Variants in ENPEP observed in about 807,000 individuals in gnomAD.
ENPEP encodes glutamyl aminopeptidase.
Under a neutral mutation model 114.5 loss-of-function variants are expected in ENPEP, and 103 were observed. The ratio of observed to expected loss-of-function variants is 0.90; its 90% CI spans 0.77 to 1.06. The LOEUF (loss-of-function observed/expected upper bound fraction) is 1.06, where lower values mean the gene tolerates loss of function less well. Among genes scored for constraint, ENPEP ranks in the 50% least tolerant of loss-of-function variants. The pLI is 0.00. For synonymous variants in ENPEP, 420 were observed against 422.0 expected (o/e 1.00, Z 0.06); for missense variants, 1,196 against 1,161.3 (o/e 1.03, Z -0.43).
chr4:110,491,195 AC>A, intron 3 of ENPEP, 31 bp downstream of exon 3: 1 of 1,534,124 alleles, frequency 6.5e-7, no homozygotes, highest in Non-Finnish European at 8.7e-7. Flanking sequence ...AAAATTTACC[AC>A]CTATGCATTT....
At chr4:110,501,607 C>T (rs1725159620) in intron 3 of ENPEP, among the ~76,000 whole-genome samples, 1 of 152,196 alleles carries the variant, frequency 6.6e-6, no homozygotes, top group African/African-American at 2.4e-5. Context: ...CTGCAAAGGA[C>T]ATGATCTCAT....
rs1009799920 is a variant in ENPEP, at chr4:110,563,100, C to T, written c.*1542C>T. The T allele has an allele frequency of 3.1e-4, 47 of 151,978 alleles. No homozygotes were observed. Among genetic ancestry groups the T allele is most frequent in the African/African-American group, 1.1e-3 (46 of 41,398 alleles). The allele number at this position is 151,978 out of a possible 1,614,324, so 9.4% of individuals were successfully genotyped here. Reference sequence around the variant, plus strand: ...TATTAAATATTATTTTAAATTATTTCAGAAGCAAAAACATATTAACATCAT... The same window carrying T: ...TATTAAATATTATTTTAAATTATTTTAGAAGCAAAAACATATTAACATCAT... On this transcript the variant is annotated 3_prime_UTR_variant, in exon 20 of 20. Transcript: ENST00000265162.
chr4:110,525,349 C>T (rs1578407874), intron 10 of ENPEP, among the ~76,000 whole-genome samples: 2 of 152,214 alleles, frequency 1.3e-5, no homozygotes, highest in East Asian at 3.9e-4. Flanking sequence ...AGCTGAGCCC[C>T]TCCTAGAGTG....
rs78637919 is a variant in ENPEP, at chr4:110,538,248, A to C, written c.1808-4503A>C. On this transcript the variant is annotated intron_variant, in intron 11 of 19. Transcript: ENST00000265162. ...ATAAAGCTGTTTCATCTACACTGAA[A>C]ATGTTTTTTAGTGTAGCTGCCTTCA... is the stretch of plus-strand genomic sequence containing the variant. Among the ~76,000 whole-genome samples the C allele has an allele frequency of 1.9e-4, 29 of 152,314 alleles. No individual in the cohort carries two copies. In the East Asian group the frequency reaches 5.6e-3, roughly 29 times the overall value.
chr4:110,520,406 G>A (rs1341352259), intron 10 of ENPEP, 40 bp downstream of exon 10: 1 of 1,601,196 alleles, frequency 6.2e-7, no homozygotes, highest in Non-Finnish European at 8.6e-7. Flanking sequence ...ACAGAAATTT[G>A]GCAGAAATAT....
At chr4:110,508,038 C>A (rs1404997875) in intron 4 of ENPEP, among the ~76,000 whole-genome samples, 1 of 152,078 alleles carries the variant, frequency 6.6e-6, no homozygotes, top group Non-Finnish European at 1.5e-5. Context: ...TGCCTTTTAT[C>A]TCAGTTGTAG....
intron 10 of ENPEP, among the ~76,000 whole-genome samples, chr4:110,523,825 T>C (rs936930775): frequency 5.9e-5 from 9 of 152,200 alleles, no homozygotes; most frequent in African/African-American, 2.2e-4. Flanking sequence ...CCCAACTTAG[T>C]AACATTTTCT....
Position 110,491,070 on chromosome 4 carries a change from C to G in ENPEP, c.824C>G (p.Thr275Ser). The stretch of plus-strand genomic sequence containing the variant: ...GTGGATGATAAATGGACTCGAACAA[C>G]TTTTGAGAAGTCTGTCCCCATGAGC... Reference protein sequence around the residue: ...ESVDDKWTRTTFEKSVPMSTY... With the variant: ...ESVDDKWTRTSFEKSVPMSTY... The change falls in exon 3 of 20, where the codon ACT becomes AGT. Residue 275 changes from threonine to serine, a missense_variant. Coordinates refer to ENST00000265162, the MANE Select transcript of ENPEP (RefSeq NM_001977.4). 6.2e-7 allele frequency: 1 copy of G among 1,612,242 alleles called. No homozygotes were observed. The highest frequency in any genetic ancestry group is 1.3e-5 in the African/African-American group (1 of 74,932).
At position 110,543,070 on chromosome 4, in the gene ENPEP, G is replaced by A; in HGVS notation, c.2000G>A (p.Arg667Lys). Residue 667 changes from arginine to lysine, a missense_variant and splice_region_variant, in exon 13 of 20, where the codon AGA becomes AAA. Coordinates refer to ENST00000265162, the MANE Select transcript of ENPEP (RefSeq NM_001977.4). Reference sequence around the variant, plus strand: ...ATTGATGATGCTTTTGCCTTGGCAAGGTGCGTTTTAGAATGAGACTAAATT... The same window carrying A: ...ATTGATGATGCTTTTGCCTTGGCAAAGTGCGTTTTAGAATGAGACTAAATT... The part of the protein sequence containing the change: ...SLIDDAFALA[R>K]AQLLDYKVAL... 6.2e-7 allele frequency: 1 copy of A among 1,612,614 alleles called. No individual in the cohort carries two copies. Among genetic ancestry groups the A allele is most frequent in the Non-Finnish European group, 8.5e-7 (1 of 1,178,952 alleles).
rs770659499 is a variant in ENPEP, at chr4:110,476,485, C to T, written c.71C>T (p.Ala24Val). The T allele has an allele frequency of 1.8e-5, 28 of 1,575,296 alleles. No individual in the cohort carries two copies. The highest frequency in any genetic ancestry group is 2.3e-5 in the Non-Finnish European group (27 of 1,157,282). ...IQTKHVAILC[A>V]VVVGVGLIVG... The stretch of plus-strand genomic sequence containing the variant: ...ACGAAACATGTGGCCATTCTCTGTG[C>T]GGTGGTGGTGGGTGTAGGATTAATA... The change falls in exon 1 of 20, where the codon GCG (alanine) becomes GTG (valine). Residue 24 changes from alanine (A) to valine (V), a missense_variant. By Grantham distance (64) the Ala-to-Val change is moderately conservative (BLOSUM62 0). Transcript: ENST00000265162.
intron 11 of ENPEP, among the ~76,000 whole-genome samples, chr4:110,537,309 T>A (rs1364878281): frequency 6.6e-6 from 1 of 152,190 alleles, no homozygotes; most frequent in African/African-American, 2.4e-5. Flanking sequence ...TGGTGCTGCT[T>A]TCTCAATTAA....
rs1363867433 is a variant in ENPEP, at chr4:110,549,897, C to T, written c.2501+11C>T. 6.3e-7 allele frequency: 1 copy of T among 1,599,776 alleles called. No individual in the cohort carries two copies. Among genetic ancestry groups the T allele is most frequent in the African/African-American group, 1.4e-5 (1 of 73,716 alleles). The stretch of plus-strand genomic sequence containing the variant: ...TACTCTTTTGTCAAGGTAAGTTGGG[C>T]TTTTATTTCACATATATAAATAGTA... On this transcript the variant is annotated intron_variant, in intron 17 of 19. Transcript: ENST00000265162.
Position 110,565,094 on chromosome 4 carries a change from C to G in ENPEP, c.*3536C>G, listed in dbSNP as rs911534465. The G allele has an allele frequency of 6.6e-6, 1 of 152,284 alleles. No individual in the cohort carries two copies. The highest frequency in any genetic ancestry group is 2.4e-5 in the African/African-American group (1 of 41,548). 9.4% of individuals were successfully genotyped at this position (152,284 alleles called of 1,614,324 possible). On this transcript the variant is annotated 3_prime_UTR_variant, in exon 20 of 20. Transcript: ENST00000265162. ...TAGTAATTTATTTCTTGTTCTTTCT[C>G]CTCCTCCTTCCTCTACTTCAGGGTT...
intron 10 of ENPEP, among the ~76,000 whole-genome samples, chr4:110,525,631 G>C (rs1180249976): frequency 6.6e-6 from 1 of 151,044 alleles, no homozygotes; most frequent in Admixed American, 6.7e-5. Flanking sequence ...GTAGCAATTA[G>C]AATAACACAA....
At position 110,542,776 on chromosome 4, in the gene ENPEP, T is replaced by C; in HGVS notation, c.1833T>C (p.Pro611=). 6.2e-7 allele frequency: 1 copy of C among 1,612,852 alleles called. No individual in the cohort carries two copies. Among genetic ancestry groups the C allele is most frequent in the Non-Finnish European group, 8.5e-7 (1 of 1,179,192 alleles). Residue 611 remains proline, a synonymous_variant, in exon 12 of 20, where the codon CCT becomes CCC. Coordinates refer to ENST00000265162, the MANE Select transcript of ENPEP (RefSeq NM_001977.4). ...GAATCACTTTGAACTCCTCTAATCCTAGTGGAAATGCTTTTCTCAAAATAA... is the reference window on the plus strand; with the variant it reads ...GAATCACTTTGAACTCCTCTAATCCCAGTGGAAATGCTTTTCTCAAAATAA... The part of the protein sequence containing the change: ...KEGITLNSSN[P]SGNAFLKINP...
chr4:110,514,013 G>A (rs1180367329), intron 7 of ENPEP, among the ~76,000 whole-genome samples: 7 of 152,034 alleles, frequency 4.6e-5, no homozygotes, highest in African/African-American at 1.7e-4. Context: ...ATGTAAAGAT[G>A]AATTTGTTAG....
At chr4:110,522,899 G>T (rs1578406911) in intron 10 of ENPEP, among the ~76,000 whole-genome samples, 1 of 152,028 alleles carries the variant, frequency 6.6e-6, no homozygotes, top group African/African-American at 2.4e-5. Context: ...GGGTTTTGGG[G>T]GTTGGAGGAG....
rs1456964765 is a variant in ENPEP at position 110,549,891 on chromosome 4, G to A, written c.2501+5G>A. ...GAACGTTACTCTTTTGTCAAGGTAA[G>A]TTGGGCTTTTATTTCACATATATAA... On this transcript the variant is annotated splice_donor_5th_base_variant and intron_variant, in intron 17 of 19. Coordinates refer to ENST00000265162, the MANE Select transcript of ENPEP (RefSeq NM_001977.4). 4.4e-6 allele frequency: 7 copies of A among 1,603,164 alleles called. No individual in the cohort carries two copies. The East Asian group carries it at 8.9e-5, about 20-fold the overall frequency.
intron 18 of ENPEP, among the ~76,000 whole-genome samples, chr4:110,558,047 T>G (rs912023658): frequency 3.4e-5 from 5 of 146,668 alleles, no homozygotes; most frequent in African/African-American, 7.5e-5. Context: ...TTTTTTTTTT[T>G]GTATAAAACT....
Sources: allele counts gnomAD v4.1 joint callset (sites outside exome capture counted in the v4.1 genomes callset), GRCh38; gene constraint gnomAD v4.1.1; transcripts MANE v1.5; gene names NCBI Gene and HGNC (gene_info 2026-07-23, HGNC 2026-07-21).